Variants in BMAL2 observed in about 807,000 individuals in gnomAD.
BMAL2 encodes the protein basic helix-loop-helix ARNT-like protein 2.
chr12:27,372,163 G>C, the BMAL2 span, among the ~76,000 whole-genome samples: 132 of 151,150 alleles, frequency 8.7e-4, 1 homozygote, highest in African/African-American at 3.0e-3. Flanking sequence ...CCTAGGAAGT[G>C]GAGGTTGCAG....
chr12:27,399,573 T>A, the BMAL2 span, among the ~76,000 whole-genome samples: 1 of 152,230 alleles, frequency 6.6e-6, no homozygotes. Flanking sequence ...TCTCTAAATC[T>A]TTGCTATTAT....
chr12:27,367,000 G>C, the BMAL2 span, among the ~76,000 whole-genome samples: 1 of 152,214 alleles, frequency 6.6e-6, no homozygotes, highest in Non-Finnish European at 1.5e-5. Flanking sequence ...TGAAACTGCG[G>C]ATAATACCAA....
the BMAL2 span, among the ~76,000 whole-genome samples, chr12:27,383,552 G>A: frequency 6.6e-6 from 1 of 152,066 alleles, no homozygotes; most frequent in Non-Finnish European, 1.5e-5. Flanking sequence ...CTCACTCACC[G>A]AGTCAGGGCT....
chr12:27,390,091 G>A, the BMAL2 span: 11 of 1,613,136 alleles, frequency 6.8e-6, no homozygotes, highest in Admixed American at 1.0e-4. Context: ...CCTTCTGCAC[G>A]AAAGCTGGTT....
chr12:27,396,096 G>T, the BMAL2 span, among the ~76,000 whole-genome samples: 1 of 152,162 alleles, frequency 6.6e-6, no homozygotes, highest in South Asian at 2.1e-4. Flanking sequence ...GGTAAATAAG[G>T]TTATAAGGTA....
the BMAL2 span, chr12:27,333,013 C>G: frequency 2.6e-6 from 3 of 1,160,854 alleles, no homozygotes. Flanking sequence ...GCAGGGCGGG[C>G]CCGGGGCTCC....
At chr12:27,369,001 G>A in the BMAL2 span, among the ~76,000 whole-genome samples, 1 of 152,202 alleles carries the variant, frequency 6.6e-6, no homozygotes, top group Non-Finnish European at 1.5e-5. Context: ...CAAGCCAGGT[G>A]CAGTGGCACA....
the BMAL2 span, among the ~76,000 whole-genome samples, chr12:27,365,296 A>G: frequency 5.9e-5 from 9 of 152,128 alleles, no homozygotes; most frequent in Non-Finnish European, 1.3e-4. Context: ...AATTACTAAT[A>G]TGAAGGCACT....
chr12:27,338,870 C>G, the BMAL2 span, among the ~76,000 whole-genome samples: 1 of 152,202 alleles, frequency 6.6e-6, no homozygotes, highest in Admixed American at 6.5e-5. Context: ...AGATGGTTGT[C>G]TCTTAGGTCT....
chr12:27,401,165 T>C, the BMAL2 span: 3 of 1,026,522 alleles, frequency 2.9e-6, no homozygotes, highest in African/African-American at 4.7e-5. Flanking sequence ...CCCTGTGCAC[T>C]TCTTTACGAT....
the BMAL2 span, among the ~76,000 whole-genome samples, chr12:27,398,746 T>G: frequency 3.2e-4 from 48 of 152,206 alleles, no homozygotes; most frequent in Non-Finnish European, 5.3e-4. Context: ...TTCTATGTGA[T>G]GAGATTACAT....
chr12:27,366,054 T>C, the BMAL2 span, among the ~76,000 whole-genome samples: 2 of 152,144 alleles, frequency 1.3e-5, no homozygotes, highest in Admixed American at 1.3e-4. Flanking sequence ...TACATTTGAA[T>C]TTCCTCTTGC....
chr12:27,390,852 A>AT, the BMAL2 span, among the ~76,000 whole-genome samples: 1 of 152,208 alleles, frequency 6.6e-6, no homozygotes, highest in East Asian at 1.9e-4. Flanking sequence ...GCTATGAGAT[A>AT]TAGGATTCCA....
At chr12:27,420,019 G>GCACACACACACA in the BMAL2 span, among the ~76,000 whole-genome samples, 1,470 of 147,540 alleles carry the variant, frequency 1.0e-2, 16 homozygotes, top group African/African-American at 0.027. Context: ...GTTTGCGCGT[G>GCACACACACACA]CACACACACA....
chr12:27,394,706 G>C, the BMAL2 span: 1 of 152,176 alleles, frequency 6.6e-6, no homozygotes, highest in Non-Finnish European at 1.5e-5. Context: ...TGTCCCCCCA[G>C]AATTCGTATG....
chr12:27,402,084 C>CG, the BMAL2 span, among the ~76,000 whole-genome samples: 1 of 152,084 alleles, frequency 6.6e-6, no homozygotes, highest in Non-Finnish European at 1.5e-5. Context: ...ATGCTCAGCA[C>CG]GGGGGAGAAC....
chr12:27,337,876 T>C, the BMAL2 span, among the ~76,000 whole-genome samples: 1 of 152,224 alleles, frequency 6.6e-6, no homozygotes, highest in Non-Finnish European at 1.5e-5. Context: ...GATTTTCCCC[T>C]TTTCCTCATG....
At chr12:27,383,977 G>T in the BMAL2 span, among the ~76,000 whole-genome samples, 2 of 152,148 alleles carry the variant, frequency 1.3e-5, no homozygotes, top group African/African-American at 4.8e-5. Flanking sequence ...TTGGGCCACA[G>T]ATCCGTCCGA....
the BMAL2 span, chr12:27,418,240 A>G: frequency 7.7e-7 from 1 of 1,294,618 alleles, no homozygotes; most frequent in South Asian, 1.3e-5. Flanking sequence ...GTTTATCAAA[A>G]CCCCCCTCTT....
Sources: allele counts gnomAD v4.1 joint callset (sites outside exome capture counted in the v4.1 genomes callset), GRCh38; gene constraint gnomAD v4.1.1; transcripts MANE v1.5; gene names NCBI Gene and HGNC (gene_info 2026-07-23, HGNC 2026-07-21).